PCDHA2: variants seen among roughly 807,000 people sequenced by gnomAD.
The protein encoded by PCDHA2 is protocadherin alpha-2.
Under a neutral mutation model 66.0 loss-of-function variants are expected in PCDHA2, and 58 were observed. The observed-to-expected ratio is 0.88, with a 90% CI of 0.71 to 1.09. PCDHA2 has a LOEUF of 1.09. Among genes scored for constraint, PCDHA2 ranks in the 50% least tolerant of loss-of-function variants. The pLI is 0.00. For synonymous variants in PCDHA2, 634 were observed against 554.0 expected (o/e 1.14, Z -2.03); for missense variants, 1,267 against 1,242.3 (o/e 1.02, Z -0.30).
intron 1 of PCDHA2, chr5:140,814,382 A>T (rs1263757403): frequency 6.6e-6 from 1 of 152,026 alleles, no homozygotes; most frequent in Non-Finnish European, 1.5e-5. Flanking sequence ...CTCCTATGAT[A>T]ACAATATCTT....
In PCDHA2 at chr5:140,797,014, G is replaced by A. The variant is rs1307311865; in HGVS notation, c.2050G>A (p.Val684Met). Residue 684 changes from valine (V) to methionine (M), a missense_variant, in exon 1 of 4, where the codon GTG (valine) becomes ATG (methionine). Val to Met is a conservative substitution (Grantham distance 21, BLOSUM62 1). Coordinates refer to ENST00000526136, the MANE Select transcript of PCDHA2 (RefSeq NM_018905.3). ...ACCCAAGGCCTCGTCGCGGGCGTGG[G>A]TGGGCGCCGCGGGCTCAGAGGCTAC... Reference protein sequence around the residue: ...QAPKASSRAWVGAAGSEATLV... With the variant: ...QAPKASSRAWMGAAGSEATLV... The A allele has an allele frequency of 2.5e-6, 4 of 1,613,654 alleles. No homozygotes were observed. In the African/African-American group the frequency reaches 4.0e-5, roughly 16 times the overall value.
intron 1 of PCDHA2, chr5:140,876,016 A>G (rs1554168175): frequency 6.2e-7 from 1 of 1,613,818 alleles, no homozygotes; most frequent in South Asian, 1.1e-5. Flanking sequence ...TGAGCTTAAA[A>G]TAAAAACAAA....
chr5:140,850,142 G>A lies in PCDHA2; in HGVS notation c.2388+52790G>A. 8.8e-6 allele frequency: 14 copies of A among 1,595,712 alleles called. 2 individuals are homozygous for A. Among genetic ancestry groups the A allele is most frequent in the Non-Finnish European group, 1.2e-5 (14 of 1,167,856 alleles). On this transcript the variant is annotated intron_variant, in intron 1 of 3. Transcript: ENST00000526136. ...GCGTGCCGCCTCTGGGCAGCAACGT[G>A]ACGCTGCAGGTGTTCGTGCTGGACG...
Position 141,003,329 on chromosome 5 carries a change from T to C in PCDHA2, c.2537-6298T>C, listed in dbSNP as rs571160293. On this transcript the variant is annotated intron_variant, in intron 3 of 3. Transcript: ENST00000526136. ...GGCCAGCTACTTCCAGAGGGCAGGG[T>C]TTTTTGTTTGTTTGCTCTGTCACCC... Among the ~76,000 whole-genome samples the C allele has an allele frequency of 7.2e-5, 11 of 152,118 alleles. No homozygotes were observed. The South Asian group carries it at 2.3e-3, about 32-fold the overall frequency.
Position 140,843,621 on chromosome 5 carries a change from C to T in PCDHA2, c.2388+46269C>T, listed in dbSNP as rs2150363692. On this transcript the variant is annotated intron_variant, in intron 1 of 3. Transcript: ENST00000526136. ...TGCTCTGGTGAGGGGCCACCGAAGA[C>T]GGACCTCATGGCCTTCAGCCCCTGC... The T allele has an allele frequency of 1.0e-5, 16 of 1,596,050 alleles. 1 individual carries two copies. The South Asian group carries it at 1.8e-4, about 18-fold the overall frequency.
Position 140,873,357 on chromosome 5 carries a change from G to T in PCDHA2, c.2388+76005G>T, listed in dbSNP as rs564914388. On this transcript the variant is annotated intron_variant, in intron 1 of 3. Coordinates refer to ENST00000526136, the MANE Select transcript of PCDHA2 (RefSeq NM_018905.3). ...TACTCATCTCCAGATGAAATTTTTG[G>T]AATAACTGAAGATCTTTTAAAGACT... Among the ~76,000 whole-genome samples the T allele has an allele frequency of 2.0e-5, 3 of 152,172 alleles. No individual in the cohort carries two copies. In the South Asian group the frequency reaches 6.2e-4, roughly 32 times the overall value.
At chr5:140,883,105 C>T in intron 1 of PCDHA2, 1 of 1,614,056 alleles carries the variant, frequency 6.2e-7, no homozygotes, top group Non-Finnish European at 8.5e-7. Context: ...ATATAGTTTA[C>T]TCATTTAGAA....
intron 1 of PCDHA2, among the ~76,000 whole-genome samples, chr5:140,946,597 T>A (rs952488909): frequency 1.5e-5 from 2 of 137,412 alleles, no homozygotes; most frequent in Admixed American, 7.5e-5. Context: ...GATGAATAGA[T>A]AAAGAAAATG....
chr5:140,878,938 A>G (rs1413471911), intron 1 of PCDHA2, among the ~76,000 whole-genome samples: 1 of 152,226 alleles, frequency 6.6e-6, no homozygotes, highest in African/African-American at 2.4e-5. Flanking sequence ...TTTTAAATAA[A>G]TATATGGTAT....
At chr5:140,964,227 G>A (rs1245581815) in intron 1 of PCDHA2, among the ~76,000 whole-genome samples, 1 of 152,222 alleles carries the variant, frequency 6.6e-6, no homozygotes, top group African/African-American at 2.4e-5. Context: ...CTTTCAAAAT[G>A]AGGCTGATTG....
intron 1 of PCDHA2, chr5:140,877,824 A>G (rs1554170141): frequency 1.9e-6 from 3 of 1,602,118 alleles, no homozygotes; most frequent in Non-Finnish European, 2.6e-6. Flanking sequence ...AAGATTGTTT[A>G]AATCCTCCCA....
chr5:140,823,638 C>T (rs2150127747), intron 1 of PCDHA2: 14 of 1,613,898 alleles, frequency 8.7e-6, no homozygotes, highest in African/African-American at 2.7e-5. Flanking sequence ...GCATCCCGTT[C>T]CGCGTGGGGC....
chr5:140,923,019 C>T (rs540025993), intron 1 of PCDHA2, among the ~76,000 whole-genome samples: 4 of 152,168 alleles, frequency 2.6e-5, no homozygotes, highest in South Asian at 2.1e-4. Context: ...ACTGCAGTTT[C>T]GGACTCTATT....
At chr5:140,802,011 G>C (rs952664867) in intron 1 of PCDHA2, 3 of 1,614,198 alleles carry the variant, frequency 1.9e-6, no homozygotes, top group Non-Finnish European at 2.5e-6. Context: ...TTTGGATGAA[G>C]GAGTAAATAA....
At chr5:140,835,855 C>A in intron 1 of PCDHA2, 2 of 1,612,246 alleles carry the variant, frequency 1.2e-6, no homozygotes, top group Non-Finnish European at 1.7e-6. Flanking sequence ...GCGCTGGTGT[C>A]CTACTCGCTG....
At position 140,982,510 on chromosome 5, in the gene PCDHA2, C is replaced by T; in HGVS notation, c.2483C>T (p.Ala828Val). 6.2e-7 allele frequency: 1 copy of T among 1,614,170 alleles called. No homozygotes were observed. The highest frequency in any genetic ancestry group is 8.5e-7 in the Non-Finnish European group (1 of 1,180,020). The change falls in exon 3 of 4, where the codon GCT becomes GTT. Residue 828 changes from alanine to valine, a missense_variant. Ala to Val is a moderately conservative substitution (Grantham distance 64, BLOSUM62 0). Coordinates refer to ENST00000526136, the MANE Select transcript of PCDHA2 (RefSeq NM_018905.3). ...CTAGAGGAGGCTGGCATTCTACGGGCTGGTCCAGGAGGGCCTGATCAGCAG... is the reference window on the plus strand; with the variant it reads ...CTAGAGGAGGCTGGCATTCTACGGGTTGGTCCAGGAGGGCCTGATCAGCAG... ...VHLEEAGILR[A>V]GPGGPDQQWP...
At position 140,927,270 on chromosome 5, in the gene PCDHA2, C is replaced by T. The variant is rs541200655; in HGVS notation, c.2389-51679C>T. 5 of 1,614,150 alleles carry T rather than the reference C, an allele frequency of 3.1e-6. No individual in the cohort carries two copies. The South Asian group carries it at 3.3e-5, about 11-fold the overall frequency. ...ATGACAACTCACCTCTCTTTCCTGCCGGCGACGTGCAGCTGCACATCCCCG... is the reference window on the plus strand; with the variant it reads ...ATGACAACTCACCTCTCTTTCCTGCTGGCGACGTGCAGCTGCACATCCCCG... On this transcript the variant is annotated intron_variant, in intron 1 of 3. Transcript: ENST00000526136.
intron 1 of PCDHA2, chr5:140,802,178 T>A: frequency 6.2e-7 from 1 of 1,614,114 alleles, no homozygotes; most frequent in Non-Finnish European, 8.5e-7. Context: ...ATAAAGGAAA[T>A]CCCCCAATGT....
chr5:140,825,700 G>C (rs2150140795), intron 1 of PCDHA2: 6 of 152,272 alleles, frequency 3.9e-5, no homozygotes, highest in Admixed American at 2.6e-4. Flanking sequence ...GGGATTGCAG[G>C]CATGAGCCAT....
Sources: allele counts gnomAD v4.1 joint callset (sites outside exome capture counted in the v4.1 genomes callset), GRCh38; gene constraint gnomAD v4.1.1; transcripts MANE v1.5; gene names NCBI Gene and HGNC (gene_info 2026-07-23, HGNC 2026-07-21).